Variants in TSHZ2 observed in about 807,000 individuals in gnomAD.
TSHZ2 encodes the protein teashirt homolog 2.
TSHZ2 carries 21 observed loss-of-function variants against 74.4 expected under a neutral mutation model. That is an observed-to-expected ratio of 0.28 (90% CI 0.20 to 0.41). The LOEUF (loss-of-function observed/expected upper bound fraction) is 0.41. TSHZ2 is among the 10% of genes least tolerant of loss of function. The pLI, the probability that TSHZ2 is intolerant of heterozygous loss-of-function variation, is 1.00. For synonymous variants in TSHZ2, 540 were observed against 515.3 expected (o/e 1.05, Z -0.65); for missense variants, 1,244 against 1,293.5 (o/e 0.96, Z 0.59).
At position 53,475,169 on chromosome 20, in the gene TSHZ2, C is replaced by A. The variant is rs866168134; in HGVS notation, c.*9-11975C>A. ...TGCACCAAGTGGACCTAATGGACAT[C>A]TACATAACTCTCCACCCCAAATCAA... On this transcript the variant is annotated intron_variant, in intron 2 of 2. Transcript: ENST00000371497. 3.8e-4 allele frequency among the ~76,000 whole-genome samples: 54 copies of A among 140,756 alleles called. 10 individuals carry two copies. The highest frequency in any genetic ancestry group is 1.5e-3 in the African/African-American group (54 of 36,318). 92.3% of individuals were successfully genotyped at this position (140,756 alleles called of 152,430 possible). A position where few individuals can be genotyped will look rare whatever the true frequency, so the allele number is the denominator to read the frequency against.
chr20:53,086,465 G>A (rs1413370846), intron 1 of TSHZ2, among the ~76,000 whole-genome samples: 1 of 152,012 alleles, frequency 6.6e-6, no homozygotes, highest in Non-Finnish European at 1.5e-5. Flanking sequence ...TAGGGCTTGA[G>A]GAGCAAGTAG....
rs990138843 is a variant in TSHZ2 at position 53,179,845 on chromosome 20, T to C, written c.41-73654T>C. On this transcript the variant is annotated intron_variant, in intron 1 of 2. Transcript: ENST00000371497. Reference sequence around the variant, plus strand: ...AGCTTTTTTATCGTCAAGGTAACGATAAGAGATTCACTAGAATTTACATAG... The same window carrying C: ...AGCTTTTTTATCGTCAAGGTAACGACAAGAGATTCACTAGAATTTACATAG... Among the ~76,000 whole-genome samples the C allele has an allele frequency of 2.6e-5, 4 of 152,194 alleles. No individual in the cohort carries two copies. In the South Asian group the frequency reaches 8.3e-4, roughly 32 times the overall value.
intron 2 of TSHZ2, among the ~76,000 whole-genome samples, chr20:53,260,330 A>G (rs1177857250): frequency 1.3e-5 from 2 of 152,236 alleles, no homozygotes; most frequent in East Asian, 1.9e-4. Context: ...ATGGAGGCAG[A>G]GAGATTCTGC....
intron 1 of TSHZ2, among the ~76,000 whole-genome samples, chr20:53,156,923 C>T (rs75059767): frequency 1.7e-4 from 26 of 152,270 alleles, no homozygotes; most frequent in East Asian, 7.7e-4. Flanking sequence ...TACCATCTCA[C>T]GACTTCTATC....
At chr20:53,382,520 CAG>C (rs1981896871) in intron 2 of TSHZ2, among the ~76,000 whole-genome samples, 1 of 152,164 alleles carries the variant, frequency 6.6e-6, no homozygotes, top group South Asian at 2.1e-4. Flanking sequence ...CAATGCAACA[CAG>C]AGTGAAAACA....
chr20:53,430,121 T>C (rs185814171), intron 2 of TSHZ2, among the ~76,000 whole-genome samples: 36 of 152,324 alleles, frequency 2.4e-4, no homozygotes, highest in African/African-American at 7.2e-4. Flanking sequence ...GCTTCTTTTT[T>C]TGAGACAGAG....
intron 2 of TSHZ2, among the ~76,000 whole-genome samples, chr20:53,369,098 C>A (rs1326413983): frequency 1.3e-5 from 2 of 152,044 alleles, no homozygotes; most frequent in East Asian, 3.9e-4. Flanking sequence ...CCCGTCTCTA[C>A]AAAATGAAAT....
intron 1 of TSHZ2, among the ~76,000 whole-genome samples, chr20:52,975,163 A>G (rs951929727): frequency 6.6e-6 from 1 of 152,154 alleles, no homozygotes; most frequent in South Asian, 2.1e-4. Context: ...GTGTAGCTAC[A>G]TTATTAGAGA....
chr20:53,472,638 CA>C (rs146606269), intron 2 of TSHZ2, among the ~76,000 whole-genome samples: 2,188 of 152,086 alleles, frequency 0.014, 49 homozygotes, highest in African/African-American at 0.051. Flanking sequence ...AAGAGCTCCT[CA>C]GGGGGGAGGG....
intron 1 of TSHZ2, among the ~76,000 whole-genome samples, chr20:53,248,874 T>C (rs972802430): frequency 2.0e-5 from 3 of 152,228 alleles, no homozygotes; most frequent in African/African-American, 7.2e-5. Context: ...AGTTGCACTC[T>C]GTCGCCCAGG....
At chr20:53,421,944 G>C (rs1983489788) in intron 2 of TSHZ2, among the ~76,000 whole-genome samples, 1 of 152,002 alleles carries the variant, frequency 6.6e-6, no homozygotes, top group African/African-American at 2.4e-5. Flanking sequence ...GCCTCCCAAA[G>C]TGCTGGGATT....
intron 1 of TSHZ2, among the ~76,000 whole-genome samples, chr20:53,052,156 C>T (rs73913057): frequency 0.093 from 14,208 of 152,198 alleles, 1,806 homozygotes; most frequent in African/African-American, 0.29. Context: ...TCCCCAGATC[C>T]TGGCAACCAC....
intron 1 of TSHZ2, among the ~76,000 whole-genome samples, chr20:53,201,515 T>G (rs1213628248): frequency 6.6e-6 from 1 of 152,212 alleles, no homozygotes; most frequent in African/African-American, 2.4e-5. Flanking sequence ...TCCTTCTCAT[T>G]TTGGCTACCT....
In TSHZ2 at chr20:53,487,876, T is replaced by G. The variant is rs1255018739; in HGVS notation, c.*741T>G. 1.3e-5 allele frequency: 2 copies of G among 152,226 alleles called. No individual in the cohort carries two copies. The highest frequency in any genetic ancestry group is 1.5e-5 in the Non-Finnish European group (1 of 68,046). 9.4% of individuals were successfully genotyped at this position (152,226 alleles called of 1,614,324 possible). On this transcript the variant is annotated 3_prime_UTR_variant, in exon 3 of 3. Coordinates refer to ENST00000371497, the MANE Select transcript of TSHZ2 (RefSeq NM_173485.6). Reference sequence around the variant, plus strand: ...TTTTCCTATGCAGTGGTGGGGCACCTTGATCATCATCATTATCTTGATTGG... The same window carrying G: ...TTTTCCTATGCAGTGGTGGGGCACCGTGATCATCATCATTATCTTGATTGG...
At chr20:53,163,456 AT>A (rs571826225) in intron 1 of TSHZ2, among the ~76,000 whole-genome samples, 2,546 of 94,630 alleles carry the variant, frequency 0.027, 70 homozygotes, top group African/African-American at 0.11. Flanking sequence ...ATTTTATTTT[AT>A]TTTTTTTTAT....
intron 2 of TSHZ2, among the ~76,000 whole-genome samples, chr20:53,354,698 G>C (rs1055890702): frequency 3.3e-5 from 5 of 152,208 alleles, no homozygotes; most frequent in Non-Finnish European, 7.3e-5. Context: ...CAAGGGCAGA[G>C]TTAGGCTAGC....
intron 2 of TSHZ2, among the ~76,000 whole-genome samples, chr20:53,305,082 C>T (rs1441157386): frequency 1.3e-5 from 2 of 151,758 alleles, no homozygotes; most frequent in East Asian, 3.9e-4. Flanking sequence ...ACTGCAGGTG[C>T]CCTCCACCAC....
chr20:53,125,693 G>T (rs1223208340), intron 1 of TSHZ2, among the ~76,000 whole-genome samples: 1 of 151,686 alleles, frequency 6.6e-6, no homozygotes, highest in Non-Finnish European at 1.5e-5. Flanking sequence ...ATATATAAAA[G>T]ATTACCCAAA....
rs186962478 is a variant in TSHZ2 at position 53,012,586 on chromosome 20, G to T, written c.40+39253G>T. On this transcript the variant is annotated intron_variant, in intron 1 of 2. Coordinates refer to ENST00000371497, the MANE Select transcript of TSHZ2 (RefSeq NM_173485.6). ...TAGAACATTCCCTTGGTTTGGGAAG[G>T]TTCGCTTCTCCATTTCCCTCTAGGA... Among the ~76,000 whole-genome samples the T allele has an allele frequency of 6.0e-3, 920 of 152,166 alleles. 12 individuals carry two copies. The highest frequency in any genetic ancestry group is 6.3e-3 in the Non-Finnish European group (431 of 68,000).
Sources: allele counts gnomAD v4.1 joint callset (sites outside exome capture counted in the v4.1 genomes callset), GRCh38; gene constraint gnomAD v4.1.1; transcripts MANE v1.5; gene names NCBI Gene and HGNC (gene_info 2026-07-23, HGNC 2026-07-21).